Variants in CAMTA1 observed in about 807,000 individuals in gnomAD.
CAMTA1 encodes the protein calmodulin-binding transcription activator 1.
A neutral mutation model predicts 170.9 loss-of-function variants in CAMTA1; 27 were observed. The observed-to-expected ratio is 0.16, with a 90% CI of 0.12 to 0.22. CAMTA1 has a LOEUF of 0.22. CAMTA1 is among the 10% of genes least tolerant of loss of function. CAMTA1 has a pLI of 1.00. For synonymous variants in CAMTA1, 833 were observed against 891.5 expected (o/e 0.93, Z 1.17); for missense variants, 1,619 against 2,217.2 (o/e 0.73, Z 5.42).
intron 3 of CAMTA1, among the ~76,000 whole-genome samples, chr1:7,008,222 C>G (rs539291100): frequency 6.6e-6 from 1 of 152,082 alleles, no homozygotes; most frequent in African/African-American, 2.4e-5. Context: ...CAGGTAAGCA[C>G]GGGTACACAA....
chr1:7,710,814 C>T (rs2096564844), intron 11 of CAMTA1, among the ~76,000 whole-genome samples: 1 of 152,012 alleles, frequency 6.6e-6, no homozygotes, highest in Admixed American at 6.6e-5. Context: ...GAGCTACAGG[C>T]TTATCGTCTG....
At chr1:7,477,856 G>T (rs915407587) in intron 6 of CAMTA1, among the ~76,000 whole-genome samples, 6 of 152,168 alleles carry the variant, frequency 3.9e-5, no homozygotes, top group African/African-American at 1.4e-4. Flanking sequence ...CCGTGTGGAC[G>T]AGTGGGTACT....
intron 3 of CAMTA1, among the ~76,000 whole-genome samples, chr1:6,881,073 G>A (rs1178231090): frequency 6.6e-6 from 1 of 152,180 alleles, no homozygotes; most frequent in African/African-American, 2.4e-5. Flanking sequence ...GAGATACAGA[G>A]AAGTTGAATT....
chr1:7,103,471 AAC>A (rs999269366), intron 4 of CAMTA1, among the ~76,000 whole-genome samples: 22 of 148,488 alleles, frequency 1.5e-4, no homozygotes, highest in East Asian at 6.0e-4. Flanking sequence ...ACATGTACAC[AAC>A]ACACACTACA....
chr1:6,861,322 A>G (rs996896391), intron 3 of CAMTA1, among the ~76,000 whole-genome samples: 2 of 152,234 alleles, frequency 1.3e-5, no homozygotes, highest in Admixed American at 1.3e-4. Flanking sequence ...CAGTAAGATC[A>G]CATCATCTTT....
intron 3 of CAMTA1, among the ~76,000 whole-genome samples, chr1:6,915,708 G>A (rs1261973453): frequency 6.6e-6 from 1 of 152,192 alleles, no homozygotes; most frequent in Non-Finnish European, 1.5e-5. Flanking sequence ...CTGGTTTCCA[G>A]CCCTGTCAGC....
intron 5 of CAMTA1, among the ~76,000 whole-genome samples, chr1:7,289,783 G>C (rs1375127484): frequency 6.6e-6 from 1 of 152,146 alleles, no homozygotes; most frequent in African/African-American, 2.4e-5. Context: ...AGACTGGAGG[G>C]ATGTGTCTTC....
At chr1:6,960,142 T>C (rs369511995) in intron 3 of CAMTA1, among the ~76,000 whole-genome samples, 3 of 152,226 alleles carry the variant, frequency 2.0e-5, no homozygotes, top group African/African-American at 7.2e-5. Flanking sequence ...TTGAAATCTG[T>C]AAAGCATTCT....
At chr1:7,431,183 A>G (rs961597164) in intron 5 of CAMTA1, among the ~76,000 whole-genome samples, 14 of 152,180 alleles carry the variant, frequency 9.2e-5, no homozygotes, top group African/African-American at 3.4e-4. Flanking sequence ...GCCTTTTGAG[A>G]ATAAACTGTT....
chr1:7,332,868 C>A (rs978219913), intron 5 of CAMTA1, among the ~76,000 whole-genome samples: 1 of 152,150 alleles, frequency 6.6e-6, no homozygotes, highest in Non-Finnish European at 1.5e-5. Flanking sequence ...GCTTGCAACC[C>A]CCATGGTTGC....
chr1:7,358,680 C>T (rs2085316742), intron 5 of CAMTA1, among the ~76,000 whole-genome samples: 1 of 152,214 alleles, frequency 6.6e-6, no homozygotes, highest in Non-Finnish European at 1.5e-5. Flanking sequence ...TTCCTTTCTC[C>T]TCCTTGGAGA....
chr1:6,905,401 C>T (rs896077554), intron 3 of CAMTA1, among the ~76,000 whole-genome samples: 4 of 152,136 alleles, frequency 2.6e-5, no homozygotes, highest in East Asian at 3.9e-4. Flanking sequence ...ACCATGTTGG[C>T]CAGGGCTGGT....
intron 6 of CAMTA1, among the ~76,000 whole-genome samples, chr1:7,551,353 TGTGTATGTGC>T (rs746591281): frequency 9.2e-5 from 14 of 151,664 alleles, no homozygotes; most frequent in Non-Finnish European, 1.9e-4. Context: ...TGTGCATGAG[TGTGTATGTGC>T]ATGTGTGTGC....
At chr1:7,236,743 C>T (rs1009543578) in intron 4 of CAMTA1, among the ~76,000 whole-genome samples, 14 of 152,220 alleles carry the variant, frequency 9.2e-5, no homozygotes, top group African/African-American at 3.4e-4. Context: ...TTCTCATGGT[C>T]GCAGTTGTCC....
At chr1:7,760,850 G>A (rs976476814) in intron 22 of CAMTA1, among the ~76,000 whole-genome samples, 2 of 152,124 alleles carry the variant, frequency 1.3e-5, no homozygotes, top group Admixed American at 6.6e-5. Context: ...GAATATTCCC[G>A]CTGAACTCCA....
chr1:7,252,754 A>G lies in CAMTA1; in HGVS notation c.438+3128A>G, dbSNP rs188719204. 5.3e-5 allele frequency among the ~76,000 whole-genome samples: 8 copies of G among 152,176 alleles called. No homozygotes were observed. The East Asian group carries it at 1.5e-3, about 29-fold the overall frequency. ...AGGGTCTTGGAGCTGTGATTTTTCTACCACCGGGGCTGTTTTCCTCAGTTC... is the reference window on the plus strand; with the variant it reads ...AGGGTCTTGGAGCTGTGATTTTTCTGCCACCGGGGCTGTTTTCCTCAGTTC... On this transcript the variant is annotated intron_variant, in intron 5 of 22. Transcript: ENST00000303635.
intron 6 of CAMTA1, among the ~76,000 whole-genome samples, chr1:7,568,480 AAC>A (rs2095075312): frequency 4.0e-5 from 6 of 150,770 alleles, no homozygotes; most frequent in African/African-American, 1.5e-4. Flanking sequence ...AACCATCATC[AAC>A]ATCACCATCA....
intron 4 of CAMTA1, among the ~76,000 whole-genome samples, chr1:7,198,548 A>G (rs186858009): frequency 3.6e-4 from 54 of 151,168 alleles, no homozygotes; most frequent in African/African-American, 1.2e-3. Flanking sequence ...ACCCTGAGAA[A>G]CCCCCAGGAC....
chr1:7,640,265 C>T (rs1423070470), intron 6 of CAMTA1, 135 bp from the exon 7 acceptor site: 6 of 911,882 alleles, frequency 6.6e-6, no homozygotes, highest in Admixed American at 2.3e-5. Flanking sequence ...TGGCTGCAAC[C>T]GTCAGCAGTG....
Sources: allele counts gnomAD v4.1 joint callset (sites outside exome capture counted in the v4.1 genomes callset), GRCh38; gene constraint gnomAD v4.1.1; transcripts MANE v1.5; gene names NCBI Gene and HGNC (gene_info 2026-07-23, HGNC 2026-07-21).